Variants in MARCHF4 observed in about 807,000 individuals in gnomAD.
MARCHF4 encodes the protein membrane associated ring-CH-type finger 4, also known as E3 ubiquitin-protein ligase MARCHF4.
A neutral mutation model predicts 43.9 loss-of-function variants in MARCHF4; 14 were observed. The ratio of observed to expected loss-of-function variants is 0.32; its 90% CI spans 0.21 to 0.50. MARCHF4 has a LOEUF of 0.50. MARCHF4 is among the 20% of genes least tolerant of loss of function. MARCHF4 has a pLI of 0.98. For missense variants in MARCHF4, 468 were observed against 536.7 expected (o/e 0.87, Z 1.27); for synonymous variants, 226 against 213.3 (o/e 1.06, Z -0.52).
rs112194557 is a variant in MARCHF4, at chr2:216,271,945, C to T, written c.865+5727G>A. Among the ~76,000 whole-genome samples, 967 of 148,556 alleles carry T rather than the reference C, an allele frequency of 6.5e-3. 12 individuals carry two copies. The highest frequency in any genetic ancestry group is 0.023 in the African/African-American group (915 of 40,052). On this transcript the variant is annotated intron_variant, in intron 3 of 3. Coordinates refer to ENST00000273067, the MANE Select transcript of MARCHF4 (RefSeq NM_020814.3). The stretch of plus-strand genomic sequence containing the variant: ...AGCTGGGACTACAGGTGCACACCAC[C>T]ACACCTGGCTAATTTTTTTTTTTTT...
At chr2:216,296,425 C>T (rs1277403730) in intron 1 of MARCHF4, among the ~76,000 whole-genome samples, 1 of 152,188 alleles carries the variant, frequency 6.6e-6, no homozygotes, top group Admixed American at 6.5e-5. Flanking sequence ...TAAGGACTCA[C>T]CCCTCCCCAA....
chr2:216,367,888 GA>G (rs1692690908), intron 1 of MARCHF4, among the ~76,000 whole-genome samples: 1 of 151,868 alleles, frequency 6.6e-6, no homozygotes, highest in Non-Finnish European at 1.5e-5. Flanking sequence ...TTCCTTCCAA[GA>G]TATTTTTACA....
At chr2:216,350,274 TACCCCCTCACTGTGCTAC>T (rs1425597111) in intron 1 of MARCHF4, among the ~76,000 whole-genome samples, 5 of 34,208 alleles carry the variant, frequency 1.5e-4, no homozygotes, top group Non-Finnish European at 1.6e-4. Flanking sequence ...CACTCTGCCA[TACCCCCTCACTGTGCTAC>T]ACCCCCTCAC....
At chr2:216,368,973 T>G (rs1692708695) in intron 1 of MARCHF4, among the ~76,000 whole-genome samples, 1 of 152,176 alleles carries the variant, frequency 6.6e-6, no homozygotes, top group Non-Finnish European at 1.5e-5. Context: ...AGAGTTGGCA[T>G]CCCTATCCTG....
Position 216,269,436 on chromosome 2 carries a change from T to C in MARCHF4, c.865+8236A>G, listed in dbSNP as rs540155425. On this transcript the variant is annotated intron_variant, in intron 3 of 3. Transcript: ENST00000273067. ...GGACATTAGATATAATCAGATCTTC[T>C]CATTGAGGGGACATAGGTGAGGGAA... Among the ~76,000 whole-genome samples the C allele has an allele frequency of 1.5e-4, 23 of 152,254 alleles. No individual in the cohort carries two copies. The South Asian group carries it at 4.2e-3, about 28-fold the overall frequency.
At chr2:216,285,527 T>G (rs1415168541) in intron 1 of MARCHF4, among the ~76,000 whole-genome samples, 1 of 152,212 alleles carries the variant, frequency 6.6e-6, no homozygotes, top group Non-Finnish European at 1.5e-5. Flanking sequence ...CAATCCAATT[T>G]TGAGAGCTGA....
intron 3 of MARCHF4, among the ~76,000 whole-genome samples, chr2:216,266,406 C>T (rs1052185253): frequency 6.6e-6 from 1 of 152,148 alleles, no homozygotes. Context: ...AAGAAAAGCC[C>T]ACTCATCTCT....
intron 3 of MARCHF4, among the ~76,000 whole-genome samples, chr2:216,271,056 T>G (rs534582940): frequency 6.6e-6 from 1 of 152,232 alleles, no homozygotes; most frequent in Non-Finnish European, 1.5e-5. Flanking sequence ...CAATTTAAAA[T>G]GCAAATCTGA....
chr2:216,362,683 C>T (rs1297363291), intron 1 of MARCHF4, among the ~76,000 whole-genome samples: 1 of 152,168 alleles, frequency 6.6e-6, no homozygotes, highest in Non-Finnish European at 1.5e-5. Context: ...AAACTCCCCC[C>T]TTTCTTTCCC....
Position 216,364,128 on chromosome 2 carries a change from A to T in MARCHF4, c.516+5617T>A, listed in dbSNP as rs73988380. On this transcript the variant is annotated intron_variant, in intron 1 of 3. Transcript: ENST00000273067. Reference sequence around the variant, plus strand: ...GTGAAACCCAAGTTTACTTCCCTGGAAATTCTATCACTATCGAAGGTACTG... The same window carrying T: ...GTGAAACCCAAGTTTACTTCCCTGGTAATTCTATCACTATCGAAGGTACTG... Among the ~76,000 whole-genome samples, 432 of 152,244 alleles carry T rather than the reference A, an allele frequency of 2.8e-3. 2 individuals are homozygous for T. The highest frequency in any genetic ancestry group is 9.8e-3 in the African/African-American group (409 of 41,532).
chr2:216,369,798 C>T lies in MARCHF4; in HGVS notation c.463G>A (p.Asp155Asn), dbSNP rs1307122312. The T allele has an allele frequency of 2.5e-6, 4 of 1,612,890 alleles. No individual in the cohort carries two copies. The highest frequency in any genetic ancestry group is 1.3e-5 in the African/African-American group (1 of 74,924). The change falls in exon 1 of 4, where the codon GAC (aspartate) becomes AAC (asparagine). Residue 155 changes from aspartate (D) to asparagine (N), a missense_variant. By Grantham distance (23) the Asp-to-Asn change is conservative. Transcript: ENST00000273067. ...CAGAGTGGGGTCCTCATACCACTGTCCAAGCTGCTGCCCAGTGAGTAGCGA... is the reference window on the plus strand; with the variant it reads ...CAGAGTGGGGTCCTCATACCACTGTTCAAGCTGCTGCCCAGTGAGTAGCGA... Reference protein sequence around the residue: ...EDRYSLGSSLDSGMRTPLCRI... With the variant: ...EDRYSLGSSLNSGMRTPLCRI...
intron 1 of MARCHF4, among the ~76,000 whole-genome samples, chr2:216,336,197 T>C (rs954739566): frequency 3.4e-5 from 5 of 149,008 alleles, no homozygotes; most frequent in Admixed American, 2.0e-4. Context: ...TGAACACTCA[T>C]AAAAATTTTA....
Position 216,258,540 on chromosome 2 carries a change from G to GTGTA in MARCHF4, c.*771_*772insTACA, listed in dbSNP as rs1559279234. The GTGTA allele has an allele frequency of 6.5e-6, 1 of 153,238 alleles. No individual in the cohort carries two copies. The highest frequency in any genetic ancestry group is 1.4e-5 in the Non-Finnish European group (1 of 69,436). The allele number at this position is 153,238 out of a possible 1,614,324, so 9.5% of individuals were successfully genotyped here. A position where few individuals can be genotyped will look rare whatever the true frequency, so the allele number is the denominator to read the frequency against. On this transcript the variant is annotated 3_prime_UTR_variant, in exon 4 of 4. Coordinates refer to ENST00000273067, the MANE Select transcript of MARCHF4 (RefSeq NM_020814.3). ...TGTGTGTGTGTGTGTGTGTGTGTGT[G>GTGTA]TGTGTCCTGTAAACATCTTTGAACC...
At chr2:216,361,464 G>A (rs912399482) in intron 1 of MARCHF4, among the ~76,000 whole-genome samples, 1 of 152,170 alleles carries the variant, frequency 6.6e-6, no homozygotes, top group African/African-American at 2.4e-5. Flanking sequence ...TCTTCTGCAT[G>A]CTTGTCTGCA....
At chr2:216,357,601 A>G (rs1692521437) in intron 1 of MARCHF4, among the ~76,000 whole-genome samples, 1 of 152,258 alleles carries the variant, frequency 6.6e-6, no homozygotes, top group South Asian at 2.1e-4. Context: ...GATTAAAGGC[A>G]TGAGCCACCA....
intron 3 of MARCHF4, 96 bp downstream of exon 3, chr2:216,277,576 T>A: frequency 7.5e-7 from 1 of 1,324,694 alleles, no homozygotes; most frequent in Non-Finnish European, 1.0e-6. Flanking sequence ...GGGCCATATC[T>A]GCTTCAGCCT....
chr2:216,299,290 G>A (rs558192884), intron 1 of MARCHF4, among the ~76,000 whole-genome samples: 1 of 152,316 alleles, frequency 6.6e-6, no homozygotes, highest in Non-Finnish European at 1.5e-5. Flanking sequence ...CAGAATCTTA[G>A]CTTGGGTGTT....
At chr2:216,273,563 C>T (rs1690973418) in intron 3 of MARCHF4, among the ~76,000 whole-genome samples, 1 of 152,216 alleles carries the variant, frequency 6.6e-6, no homozygotes, top group Admixed American at 6.5e-5. Flanking sequence ...GCTGAAATCC[C>T]TTCCACCCAC....
At chr2:216,360,720 C>T (rs563469140) in intron 1 of MARCHF4, among the ~76,000 whole-genome samples, 12 of 152,244 alleles carry the variant, frequency 7.9e-5, no homozygotes, top group Admixed American at 3.3e-4. Flanking sequence ...TTAGAATGTA[C>T]GATATCAACA....
Sources: gnomAD v4.1 joint callset for allele counts (sites outside exome capture counted in the v4.1 genomes callset) on GRCh38, gnomAD v4.1.1 for gene constraint, MANE v1.5 for transcripts, NCBI Gene and HGNC (gene_info 2026-07-23, HGNC 2026-07-21) for gene names.